Variants in CLRN1 observed in about 807,000 individuals in gnomAD.
The protein encoded by CLRN1 is clarin-1.
In CLRN1, 15 loss-of-function variants were observed where a neutral mutation model predicts 18.7. The observed-to-expected ratio is 0.80, with a 90% confidence interval of 0.54 to 1.23. CLRN1 has a LOEUF of 1.23. CLRN1 is among the 50% of genes most tolerant of loss of function. The pLI is 0.00. For synonymous variants in CLRN1, 104 were observed against 102.9 expected (o/e 1.01, Z -0.07); for missense variants, 311 against 277.5 (o/e 1.12, Z -0.86).
chr3:150,931,979 A>G (rs1010924859), intron 2 of CLRN1, among the ~76,000 whole-genome samples: 4 of 152,076 alleles, frequency 2.6e-5, no homozygotes, highest in Admixed American at 2.0e-4. Context: ...CCAGTGTCTT[A>G]CTCAATGACC....
rs1171788345 is a variant in CLRN1, at chr3:150,927,081, A to T, written c.*855T>A. The T allele has an allele frequency of 1.2e-5, 10 of 849,888 alleles. No individual in the cohort carries two copies. Among genetic ancestry groups the T allele is most frequent in the Admixed American group, 8.0e-5 (4 of 49,848 alleles). The allele number at this position is 849,888 out of a possible 1,614,324, so 52.6% of individuals were successfully genotyped here. Reference sequence around the variant, plus strand: ...TCATTTTGCATCAAATGTACTAAGCAGAGATCATTTTTCATGATTCCTCAG... The same window carrying T: ...TCATTTTGCATCAAATGTACTAAGCTGAGATCATTTTTCATGATTCCTCAG... On this transcript the variant is annotated 3_prime_UTR_variant, in exon 3 of 3. Transcript: ENST00000327047.
intron 1 of CLRN1, among the ~76,000 whole-genome samples, chr3:150,970,794 G>A (rs1715494737): frequency 6.6e-6 from 1 of 152,116 alleles, no homozygotes; most frequent in African/African-American, 2.4e-5. Context: ...GAAAGCAAAA[G>A]GAGGGGCACC....
At chr3:150,943,786 C>G (rs776805963) in intron 1 of CLRN1, 1 of 1,613,826 alleles carries the variant, frequency 6.2e-7, no homozygotes, top group South Asian at 1.1e-5. Context: ...TTGTAACACA[C>G]CCTCTGGGGC....
At position 150,926,698 on chromosome 3, in the gene CLRN1, A is replaced by T; in HGVS notation, c.*1238T>A. ...CCAAAGGGAAACAGTGTTTTATTTT[A>T]AGGAGTACTTTCAAACCTATTATAT... On this transcript the variant is annotated 3_prime_UTR_variant, in exon 3 of 3. Coordinates refer to ENST00000327047, the MANE Select transcript of CLRN1 (RefSeq NM_174878.3). 1 of 1,197,608 alleles carries T rather than the reference A, an allele frequency of 8.3e-7. No individual in the cohort carries two copies. Among genetic ancestry groups the T allele is most frequent in the Non-Finnish European group, 1.2e-6 (1 of 810,654 alleles). The allele number at this position is 1,197,608 out of a possible 1,614,324, so 74.2% of individuals were successfully genotyped here. A position where few individuals can be genotyped will look rare whatever the true frequency, so the allele number is the denominator to read the frequency against.
In CLRN1 at chr3:150,972,647, G is replaced by A; in HGVS notation, c.62C>T (p.Ala21Val). ...CCCCAAGGCTGTCACAACTCCGAGG[G>A]CACATGCAAAACTGAACACTCCGGC... ...CMAGVFSFAC[A>V]LGVVTALGTP... The change falls in exon 1 of 3, where the codon GCC becomes GTC. Residue 21 changes from alanine (A) to valine (V), a missense_variant. By Grantham distance (64) the Ala-to-Val change is moderately conservative. Coordinates refer to ENST00000327047, the MANE Select transcript of CLRN1 (RefSeq NM_174878.3). 6.2e-7 allele frequency: 1 copy of A among 1,614,176 alleles called. No individual in the cohort carries two copies. Among genetic ancestry groups the A allele is most frequent in the Middle Eastern group, 1.6e-4 (1 of 6,062 alleles).
rs184729406 is a variant in CLRN1 at position 150,928,719 on chromosome 3, C to T, written c.434-518G>A. ...TCCTTCAGCTTTCACTTGGCCACAGCTGCACAAAGGAAAAGGTAGCTATGG... is the reference window on the plus strand; with the variant it reads ...TCCTTCAGCTTTCACTTGGCCACAGTTGCACAAAGGAAAAGGTAGCTATGG... On this transcript the variant is annotated intron_variant, in intron 2 of 2. Transcript: ENST00000327047. Among the ~76,000 whole-genome samples the T allele has an allele frequency of 3.3e-4, 50 of 152,338 alleles. No homozygotes were observed. In the East Asian group the frequency reaches 7.1e-3, roughly 22 times the overall value.
rs1180554237 is a variant in CLRN1, at chr3:150,941,743, T to C, written c.272A>G (p.Lys91Arg). 1.2e-6 allele frequency: 2 copies of C among 1,614,050 alleles called. No individual in the cohort carries two copies. ...FRFSFFPDLL[K>R]AIPVSIHVNV... ...GACGTGGATGCTCACTGGGATTGCT[T>C]TGAGCAAATCTGGAAAAACTGAAGA... The change falls in exon 2 of 3, where the codon AAA becomes AGA. Residue 91 changes from lysine (K) to arginine (R), a missense_variant. Lys to Arg is a conservative substitution (Grantham distance 26, BLOSUM62 2). Coordinates refer to ENST00000327047, the MANE Select transcript of CLRN1 (RefSeq NM_174878.3).
chr3:150,956,441 A>G (rs2107974247), intron 1 of CLRN1, among the ~76,000 whole-genome samples: 2 of 152,304 alleles, frequency 1.3e-5, no homozygotes, highest in East Asian at 3.9e-4. Context: ...AAAGAGAGCT[A>G]GAAGAAACTA....
chr3:150,960,343 A>G (rs1714965512), intron 1 of CLRN1, among the ~76,000 whole-genome samples: 1 of 152,142 alleles, frequency 6.6e-6, no homozygotes, highest in South Asian at 2.1e-4. Flanking sequence ...AGGTCCCAGG[A>G]GGAATCACTG....
At chr3:150,954,603 T>C (rs1714648821) in intron 1 of CLRN1, among the ~76,000 whole-genome samples, 1 of 152,240 alleles carries the variant, frequency 6.6e-6, no homozygotes, top group South Asian at 2.1e-4. Context: ...TGAAGAGTAG[T>C]TCTTATTTTT....
chr3:150,954,992 A>C (rs1014521295), intron 1 of CLRN1, among the ~76,000 whole-genome samples: 26 of 152,240 alleles, frequency 1.7e-4, no homozygotes, highest in African/African-American at 5.3e-4. Context: ...AACTGGAAAC[A>C]ACTTAGTATC....
At chr3:150,941,916 A>C (rs1232381047) in intron 1 of CLRN1, among the ~76,000 whole-genome samples, 155 bp from the exon 2 acceptor site, 1 of 152,248 alleles carries the variant, frequency 6.6e-6, no homozygotes, top group Non-Finnish European at 1.5e-5. Context: ...AGGGGTTTAC[A>C]AAAAGGTTTA....
intron 2 of CLRN1, among the ~76,000 whole-genome samples, chr3:150,936,379 G>C (rs923955125): frequency 3.9e-5 from 6 of 151,994 alleles, no homozygotes; most frequent in African/African-American, 1.2e-4. Context: ...ATCTCCACTT[G>C]GTGGTCTCAT....
chr3:150,930,304 C>T (rs1713069865), intron 2 of CLRN1, among the ~76,000 whole-genome samples: 1 of 152,050 alleles, frequency 6.6e-6, no homozygotes, highest in Admixed American at 6.5e-5. Context: ...TGACAGCCCC[C>T]ATTCCTTTCC....
At chr3:150,950,267 C>A (rs1197128712) in intron 1 of CLRN1, among the ~76,000 whole-genome samples, 3 of 152,134 alleles carry the variant, frequency 2.0e-5, no homozygotes, top group Non-Finnish European at 2.9e-5. Context: ...GATTTCATGA[C>A]AAAGACACCA....
At chr3:150,934,354 C>T (rs1018581197) in intron 2 of CLRN1, among the ~76,000 whole-genome samples, 2 of 152,142 alleles carry the variant, frequency 1.3e-5, no homozygotes, top group Non-Finnish European at 2.9e-5. Context: ...CCCTGCTTGG[C>T]ATAACTCATA....
chr3:150,950,702 G>C (rs992393702), intron 1 of CLRN1, among the ~76,000 whole-genome samples: 2 of 152,172 alleles, frequency 1.3e-5, no homozygotes, highest in African/African-American at 2.4e-5. Context: ...CACTGTTAGT[G>C]GGAGTGTAAA....
intron 1 of CLRN1, among the ~76,000 whole-genome samples, chr3:150,971,436 G>A (rs1273540691): frequency 6.6e-6 from 1 of 151,884 alleles, no homozygotes; most frequent in Non-Finnish European, 1.5e-5. Context: ...AATATAAATA[G>A]ACCAGCACTG....
At chr3:150,957,686 TC>T (rs1714818296) in intron 1 of CLRN1, among the ~76,000 whole-genome samples, 1 of 152,034 alleles carries the variant, frequency 6.6e-6, no homozygotes, top group African/African-American at 2.4e-5. Flanking sequence ...GGGGACGGAG[TC>T]TCGCTCTGTC....
Sources: gnomAD v4.1 joint callset for allele counts (sites outside exome capture counted in the v4.1 genomes callset) on GRCh38, gnomAD v4.1.1 for gene constraint, MANE v1.5 for transcripts, NCBI Gene and HGNC (gene_info 2026-07-23, HGNC 2026-07-21) for gene names.